The following KMO variants were observed in gnomAD, a reference collection of about 807,000 sequenced individuals.
KMO encodes the protein kynurenine 3-monooxygenase.
Under a neutral mutation model 57.8 loss-of-function variants are expected in KMO, and 24 were observed. The ratio of observed to expected loss-of-function variants is 0.42; its 90% CI spans 0.30 to 0.58. The LOEUF is 0.58. KMO is among the 20% of genes least tolerant of loss of function. KMO has a pLI of 0.22. For synonymous variants in KMO, 210 were observed against 193.6 expected, an observed-to-expected ratio of 1.08 and a Z score of -0.70; for missense variants, 483 against 588.2, an observed-to-expected ratio of 0.82 and a Z score of 1.85.
chr1:241,533,221 T>G (rs541555929), intron 1 of KMO, among the ~76,000 whole-genome samples: 423 of 152,366 alleles, frequency 2.8e-3, no homozygotes, highest in African/African-American at 9.9e-3. Context: ...TTTTCCCATC[T>G]CAGCAGAATT....
intron 4 of KMO, among the ~76,000 whole-genome samples, chr1:241,552,363 A>G (rs1321480440): frequency 3.9e-5 from 6 of 152,040 alleles, no homozygotes; most frequent in African/African-American, 1.5e-4. Flanking sequence ...GGCCCCACAT[A>G]CTTCAGTTTT....
chr1:241,585,002 G>A (rs1298989059), intron 10 of KMO, among the ~76,000 whole-genome samples: 1 of 152,038 alleles, frequency 6.6e-6, no homozygotes, highest in East Asian at 1.9e-4. Context: ...GAGACAGGTG[G>A]ATCACTTGAG....
At chr1:241,565,132 A>T in intron 8 of KMO, 74 bp downstream of exon 8, 1 of 856,672 alleles carries the variant, frequency 1.2e-6, no homozygotes, top group East Asian at 2.5e-5. Context: ...ATTTGTACTT[A>T]GAATGTATCT....
chr1:241,535,069 T>C (rs1419955606), intron 1 of KMO, among the ~76,000 whole-genome samples: 2 of 152,100 alleles, frequency 1.3e-5, no homozygotes, highest in Non-Finnish European at 2.9e-5. Flanking sequence ...ACATTATGTA[T>C]TGGGTGGATG....
intron 1 of KMO, among the ~76,000 whole-genome samples, chr1:241,543,246 G>A (rs1292182206): frequency 6.6e-6 from 1 of 152,068 alleles, no homozygotes; most frequent in Non-Finnish European, 1.5e-5. Context: ...AGTCTTATTT[G>A]TCACTCCCTT....
intron 4 of KMO, among the ~76,000 whole-genome samples, chr1:241,554,146 T>C (rs1024491036): frequency 1.3e-5 from 2 of 152,194 alleles, no homozygotes; most frequent in African/African-American, 4.8e-5. Flanking sequence ...AAAATTAGAT[T>C]TTATGGGTTC....
chr1:241,560,842 G>A, intron 6 of KMO, 90 bp downstream of exon 6: 1 of 849,568 alleles, frequency 1.2e-6, no homozygotes, highest in South Asian at 1.4e-5. Context: ...TCTTTTGAAA[G>A]AGTTAAAAGA....
chr1:241,550,931 T>A (rs745708275), intron 3 of KMO, 24 bp from the exon 4 acceptor site: 3 of 1,143,088 alleles, frequency 2.6e-6, no homozygotes, highest in Non-Finnish European at 3.7e-6. Flanking sequence ...GTCATTGAAG[T>A]CAATATTTCT....
intron 1 of KMO, among the ~76,000 whole-genome samples, chr1:241,534,818 C>G (rs967924805): frequency 1.3e-5 from 2 of 152,308 alleles, no homozygotes; most frequent in African/African-American, 4.8e-5. Flanking sequence ...TTAAAATCTT[C>G]CAATGATCTC....
At chr1:241,548,741 A>C in intron 1 of KMO, 88 bp from the exon 2 acceptor site, 1 of 753,794 alleles carries the variant, frequency 1.3e-6, no homozygotes, top group South Asian at 1.6e-5. Flanking sequence ...CTAGTAAAAC[A>C]TAGCCTCACA....
At chr1:241,579,709 G>A (rs1486245858) in intron 10 of KMO, among the ~76,000 whole-genome samples, 1 of 152,034 alleles carries the variant, frequency 6.6e-6, no homozygotes, top group East Asian at 1.9e-4. Flanking sequence ...TCCCCTCCCA[G>A]TCCACCCACA....
chr1:241,564,221 A>C (rs1250798882), intron 7 of KMO, among the ~76,000 whole-genome samples: 1 of 152,194 alleles, frequency 6.6e-6, no homozygotes, highest in Non-Finnish European at 1.5e-5. Flanking sequence ...GTGCTCTCAA[A>C]ACATCTGTAG....
At chr1:241,564,246 A>G (rs1661991578) in intron 7 of KMO, among the ~76,000 whole-genome samples, 1 of 152,216 alleles carries the variant, frequency 6.6e-6, no homozygotes, top group Admixed American at 6.5e-5. Context: ...TAATACAAAT[A>G]TGAAATAATT....
At chr1:241,543,871 T>G (rs1277789199) in intron 1 of KMO, among the ~76,000 whole-genome samples, 6 of 152,182 alleles carry the variant, frequency 3.9e-5, no homozygotes, top group African/African-American at 1.4e-4. Context: ...AAGGTATGAA[T>G]TGGCATCTGC....
intron 2 of KMO, among the ~76,000 whole-genome samples, chr1:241,549,204 A>AGAAG (rs1661278254): frequency 1.8e-4 from 1 of 5,706 alleles, no homozygotes; most frequent in Non-Finnish European, 2.2e-3. Flanking sequence ...AAGAAAAGGA[A>AGAAG]GAAAGAAAGA....
intron 1 of KMO, among the ~76,000 whole-genome samples, chr1:241,546,158 T>G (rs190161912): frequency 1.3e-5 from 2 of 152,274 alleles, no homozygotes; most frequent in Admixed American, 6.5e-5. Context: ...CAGTTTGCCC[T>G]TCTCCTGGGA....
intron 1 of KMO, among the ~76,000 whole-genome samples, chr1:241,536,863 T>G (rs561144219): frequency 9.2e-5 from 14 of 152,300 alleles, no homozygotes; most frequent in African/African-American, 3.4e-4. Context: ...CAGTGGCCTC[T>G]GCTGATGAAA....
chr1:241,557,367 A>G (rs1022325297), intron 5 of KMO, among the ~76,000 whole-genome samples: 2 of 152,180 alleles, frequency 1.3e-5, no homozygotes, highest in African/African-American at 4.8e-5. Flanking sequence ...CTTTTAAACT[A>G]GTCCCTCGTG....
Position 241,593,324 on chromosome 1 carries a change from T to A in KMO, c.*1171T>A, listed in dbSNP as rs1196893749. On this transcript the variant is annotated 3_prime_UTR_variant, in exon 15 of 15. Coordinates refer to ENST00000366559, the MANE Select transcript of KMO (RefSeq NM_003679.5). ...AATACACTTGATTTTTAAAAGCACATTTAGTGAAATGTTTTCTTTGGTTCA... is the reference window on the plus strand; with the variant it reads ...AATACACTTGATTTTTAAAAGCACAATTAGTGAAATGTTTTCTTTGGTTCA... 2 of 417,352 alleles carry A rather than the reference T, an allele frequency of 4.8e-6. No homozygotes were observed. The highest frequency in any genetic ancestry group is 3.5e-5 in the South Asian group (2 of 56,544). The allele number at this position is 417,352 out of a possible 1,614,324, so 25.9% of individuals were successfully genotyped here. A position where few individuals can be genotyped will look rare whatever the true frequency, so the allele number is the denominator to read the frequency against.
Sources: allele counts gnomAD v4.1 joint callset (sites outside exome capture counted in the v4.1 genomes callset), GRCh38; gene constraint gnomAD v4.1.1; transcripts MANE v1.5; gene names NCBI Gene and HGNC (gene_info 2026-07-23, HGNC 2026-07-21).